The following SYDE2 variants were observed in gnomAD, a reference collection of about 807,000 sequenced individuals.
The protein encoded by SYDE2 is synapse defective Rho GTPase homolog 2, also known as rho GTPase-activating protein SYDE2.
Under a neutral mutation model 91.5 loss-of-function variants are expected in SYDE2, and 76 were observed. The ratio of observed to expected loss-of-function variants is 0.83; its 90% CI spans 0.69 to 1.01. The LOEUF (loss-of-function observed/expected upper bound fraction) is 1.01, where lower values mean the gene tolerates loss of function less well. SYDE2 is among the 50% of genes least tolerant of loss of function. SYDE2 has a pLI of 0.00. For missense variants in SYDE2, 1,364 were observed against 1,367.7 expected (o/e 1.00, Z 0.04); for synonymous variants, 513 against 506.4 (o/e 1.01, Z -0.18).
At chr1:85,185,229 A>G (rs1433115352) in intron 2 of SYDE2, among the ~76,000 whole-genome samples, 1 of 147,672 alleles carries the variant, frequency 6.8e-6, no homozygotes, top group Admixed American at 6.8e-5. Context: ...TTTATAATAT[A>G]TATTTATATT....
Position 85,158,810 on chromosome 1 carries a change from A to G in SYDE2, c.3525T>C (p.Asp1175=), listed in dbSNP as rs368232075. The change falls in exon 7 of 7, where the codon GAT becomes GAC. Residue 1175 remains aspartate, a synonymous_variant. Coordinates refer to ENST00000341460, the MANE Select transcript of SYDE2 (RefSeq NM_032184.2). The part of the protein sequence containing the change: ...NNLKDLQESI[D]TLIGNLEREL... ...CACGTTCCAGATTTCCAATCAAAGT[A>G]TCAATACTTTCTTGTAGATCTTTGA... 6.5e-6 allele frequency: 5 copies of G among 770,338 alleles called. No homozygotes were observed. Among genetic ancestry groups the G allele is most frequent in the Non-Finnish European group, 1.2e-5 (5 of 414,722 alleles). 47.7% of individuals were successfully genotyped at this position (770,338 alleles called of 1,614,324 possible).
At chr1:85,192,223 C>T (rs1241407873) in intron 1 of SYDE2, among the ~76,000 whole-genome samples, 2 of 152,104 alleles carry the variant, frequency 1.3e-5, no homozygotes, top group Non-Finnish European at 2.9e-5. Context: ...GCCTGGGCAA[C>T]ATGGCAAGAC....
chr1:85,175,211 ATG>A (rs1462081045), intron 4 of SYDE2, among the ~76,000 whole-genome samples: 3 of 152,234 alleles, frequency 2.0e-5, no homozygotes, highest in African/African-American at 7.2e-5. Context: ...ATAAAGAATT[ATG>A]AATAGGCTGG....
rs533375417 is a variant in SYDE2, at chr1:85,192,184, G to T, written c.746-1432C>A. Among the ~76,000 whole-genome samples, 111 of 152,204 alleles carry T rather than the reference G, an allele frequency of 7.3e-4. 1 individual carries two copies. Among genetic ancestry groups the T allele is most frequent in the Non-Finnish European group, 1.3e-3 (88 of 67,986 alleles). Reference sequence around the variant, plus strand: ...TCAGTAACCTCCCTTCTACTGAAAAGAAAATCCTTTAAAAAATCCAAATGT... The same window carrying T: ...TCAGTAACCTCCCTTCTACTGAAAATAAAATCCTTTAAAAAATCCAAATGT... On this transcript the variant is annotated intron_variant, in intron 1 of 6. Coordinates refer to ENST00000341460, the MANE Select transcript of SYDE2 (RefSeq NM_032184.2).
downstream of SYDE2, among the ~76,000 whole-genome samples, chr1:85,154,847 A>C (rs1398610926): frequency 6.6e-6 from 1 of 152,050 alleles, no homozygotes; most frequent in East Asian, 1.9e-4. Context: ...TTGAACATAG[A>C]ACTGCAGGCC....
Position 85,200,390 on chromosome 1 carries a change from G to T in SYDE2, c.607C>A (p.Leu203Met), listed in dbSNP as rs1441207401. ...CCACGGGCACGACCCTTCATTCCCA[G>T]GGACAGCAGACGCCCTTTGTACATC... The part of the protein sequence containing the change: ...KWMYKGRLLS[L>M]GMKGRARGTA... Residue 203 changes from leucine (L) to methionine (M), a missense_variant, in exon 1 of 7, where the codon CTG (leucine) becomes ATG (methionine). Physicochemically the swap from Leu to Met is conservative, Grantham distance 15. Transcript: ENST00000341460. 6.2e-7 allele frequency: 1 copy of T among 1,613,906 alleles called. No individual in the cohort carries two copies. The highest frequency in any genetic ancestry group is 1.3e-5 in the African/African-American group (1 of 74,932).
At chr1:85,192,572 A>G (rs1255486639) in intron 1 of SYDE2, among the ~76,000 whole-genome samples, 1 of 152,198 alleles carries the variant, frequency 6.6e-6, no homozygotes, top group African/African-American at 2.4e-5. Flanking sequence ...GAAGGCAAGG[A>G]AGCTCCCATG....
chr1:85,156,608 T>C (rs1656887996), downstream of SYDE2, among the ~76,000 whole-genome samples: 1 of 152,090 alleles, frequency 6.6e-6, no homozygotes. Context: ...AACTCGGTGA[T>C]GAGACAACAA....
At chr1:85,199,318 C>T (rs1658717820) in intron 1 of SYDE2, among the ~76,000 whole-genome samples, 1 of 152,028 alleles carries the variant, frequency 6.6e-6, no homozygotes, top group African/African-American at 2.4e-5. Flanking sequence ...TGTTTTGGCT[C>T]ACTTTGAAGA....
At chr1:85,152,580 CAAA>C (rs1656807044), downstream of SYDE2, 2 of 152,118 alleles carry the variant, frequency 1.3e-5, no homozygotes, top group African/African-American at 2.4e-5. Context: ...CTTTTCCTAA[CAAA>C]AAGACAACCA....
rs756989488 is a variant in SYDE2 at position 85,200,983 on chromosome 1, G to T, written c.14C>A (p.Pro5His). 7.6e-7 allele frequency: 1 copy of T among 1,307,260 alleles called. No individual in the cohort carries two copies. Among genetic ancestry groups the T allele is most frequent in the Non-Finnish European group, 9.6e-7 (1 of 1,036,580 alleles). The allele number at this position is 1,307,260 out of a possible 1,614,324, so 81.0% of individuals were successfully genotyped here. MHDL[P>H]PDSGARRGGR... ...GCCCCGCCGCGCGCCCGAGTCAGGG[G>T]GCAGGTCGTGCATGGCCTGGATCAG... Residue 5 changes from proline (P) to histidine (H), a missense_variant, in exon 1 of 7, where the codon CCC (proline) becomes CAC (histidine). Physicochemically the swap from Pro to His is moderately conservative, Grantham distance 77. Transcript: ENST00000341460.
At chr1:85,159,759 TTAC>T (rs1656991312) in intron 6 of SYDE2, 1 of 760,282 alleles carries the variant, frequency 1.3e-6, no homozygotes, top group African/African-American at 1.9e-5. Flanking sequence ...GAGTCATAGT[TTAC>T]TAAGCAGATC....
chr1:85,196,378 T>G (rs555300897), intron 1 of SYDE2, among the ~76,000 whole-genome samples: 1 of 152,250 alleles, frequency 6.6e-6, no homozygotes, highest in East Asian at 1.9e-4. Flanking sequence ...TCCAGGGAAT[T>G]CATATGGACA....
At chr1:85,181,060 C>T (rs1181548051) in intron 3 of SYDE2, 1 of 150,924 alleles carries the variant, frequency 6.6e-6, no homozygotes, top group Non-Finnish European at 1.5e-5. Flanking sequence ...GAAGTTTCAT[C>T]CAACCCCACT....
rs1201592049 is a variant in SYDE2 at position 85,157,436 on chromosome 1, TG to T, written c.*1313del. ...GCTGGCAAGACTATTTAGAAACAAATGGGGGTAATTATAAAGTCAATGTTAT... is the reference window on the plus strand; with the variant it reads ...GCTGGCAAGACTATTTAGAAACAAATGGGGTAATTATAAAGTCAATGTTAT... On this transcript the variant is annotated 3_prime_UTR_variant, in exon 7 of 7. Transcript: ENST00000341460. 1 of 152,066 alleles carries T rather than the reference TG, an allele frequency of 6.6e-6. No individual in the cohort carries two copies. The highest frequency in any genetic ancestry group is 1.5e-5 in the Non-Finnish European group (1 of 67,968). The allele number at this position is 152,066 out of a possible 1,614,324, so 9.4% of individuals were successfully genotyped here.
chr1:85,186,139 A>G (rs965325565), intron 2 of SYDE2, among the ~76,000 whole-genome samples: 1 of 152,012 alleles, frequency 6.6e-6, no homozygotes, highest in African/African-American at 2.4e-5. Flanking sequence ...CATCCCAGGG[A>G]TGAAGCCCAC....
intron 2 of SYDE2, among the ~76,000 whole-genome samples, chr1:85,186,829 T>C (rs977667995): frequency 5.3e-5 from 8 of 152,212 alleles, no homozygotes; most frequent in African/African-American, 9.6e-5. Flanking sequence ...AAGCTGAAAC[T>C]GGATCCCTTC....
chr1:85,187,401 C>T (rs570263927), intron 2 of SYDE2, among the ~76,000 whole-genome samples: 32,622 of 151,656 alleles, frequency 0.22, 3,748 homozygotes, highest in South Asian at 0.25. Flanking sequence ...AATAGGAACA[C>T]TTTTACACTG....
At chr1:85,155,751 T>A (rs939843715), downstream of SYDE2, among the ~76,000 whole-genome samples, 1 of 152,192 alleles carries the variant, frequency 6.6e-6, no homozygotes, top group African/African-American at 2.4e-5. Context: ...TGCTAGTTAC[T>A]GATTTGCAGT....
Sources: allele counts gnomAD v4.1 joint callset (sites outside exome capture counted in the v4.1 genomes callset), GRCh38; gene constraint gnomAD v4.1.1; transcripts MANE v1.5; gene names NCBI Gene and HGNC (gene_info 2026-07-23, HGNC 2026-07-21).